ZDHHC22: variants seen among roughly 807,000 people sequenced by gnomAD.
The protein encoded by ZDHHC22 is palmitoyltransferase ZDHHC22.
A neutral mutation model predicts 17.0 loss-of-function variants in ZDHHC22; 13 were observed. The observed-to-expected ratio is 0.76, with a 90% confidence interval of 0.50 to 1.21. The LOEUF (loss-of-function observed/expected upper bound fraction) is 1.21. ZDHHC22 is among the 50% of genes most tolerant of loss of function. ZDHHC22 has a pLI of 0.00. For missense variants in ZDHHC22, 319 were observed against 342.3 expected (o/e 0.93, Z 0.54); for synonymous variants, 138 against 154.7 (o/e 0.89, Z 0.80).
In ZDHHC22 at chr14:77,131,297, A is replaced by G. The variant is rs1220095936; in HGVS notation, c.*2386T>C. ...CAATTTAAAACCATATATTTTATTG[A>G]TGTTCTTCAAGGACAATACAGGGCC... On this transcript the variant is annotated 3_prime_UTR_variant, in exon 3 of 3. Coordinates refer to ENST00000319374, the MANE Select transcript of ZDHHC22 (RefSeq NM_174976.2). The G allele has an allele frequency of 1.3e-5, 2 of 152,134 alleles. No individual in the cohort carries two copies. Among genetic ancestry groups the G allele is most frequent in the African/African-American group, 4.8e-5 (2 of 41,392 alleles). 9.4% of individuals were successfully genotyped at this position (152,134 alleles called of 1,614,324 possible).
chr14:77,133,634 T>A lies in ZDHHC22; in HGVS notation c.*49A>T, dbSNP rs187121162. The A allele has an allele frequency of 5.2e-4, 812 of 1,574,864 alleles. No individual in the cohort carries two copies. In the African/African-American group the frequency reaches 6.9e-3, roughly 13 times the overall value. ...AGACAAGGCTGCCATGGTTTTATGC[T>A]CAGGAGGAGTCAAGACAGAGACAGA... On this transcript the variant is annotated 3_prime_UTR_variant, in exon 3 of 3. Coordinates refer to ENST00000319374, the MANE Select transcript of ZDHHC22 (RefSeq NM_174976.2).
intron 1 of ZDHHC22, among the ~76,000 whole-genome samples, 163 bp from the exon 2 acceptor site, chr14:77,139,915 G>C (rs894837553): frequency 6.6e-6 from 1 of 152,204 alleles, no homozygotes; most frequent in Non-Finnish European, 1.5e-5. Context: ...CCCGGATCAG[G>C]CAGGCCAGAG....
rs1196417432 is a variant in ZDHHC22, at chr14:77,131,905, A to G, written c.*1778T>C. ...AATGAGTATGGGAGGGAGAAATGTG[A>G]GCAGGTGGAGCCAATACTACATTAG... On this transcript the variant is annotated 3_prime_UTR_variant, in exon 3 of 3. Coordinates refer to ENST00000319374, the MANE Select transcript of ZDHHC22 (RefSeq NM_174976.2). The G allele has an allele frequency of 6.6e-6, 1 of 152,226 alleles. No individual in the cohort carries two copies. The highest frequency in any genetic ancestry group is 1.5e-5 in the Non-Finnish European group (1 of 68,056). The allele number at this position is 152,226 out of a possible 1,614,324, so 9.4% of individuals were successfully genotyped here.
At position 77,139,626 on chromosome 14, in the gene ZDHHC22, G is replaced by T. The variant is rs375572416; in HGVS notation, c.113C>A (p.Pro38His). Residue 38 changes from proline to histidine, a missense_variant, in exon 2 of 3, where the codon CCC (proline) becomes CAC (histidine). Transcript: ENST00000319374. ...GGGCGAGAAGAGCCGGGCGGCCGCG[G>T]GGTCCTCGCGCATGCTGGGCAGGAA... is the stretch of plus-strand genomic sequence containing the variant. ...FLFLPSMRED[P>H]AAARLFSPAL... 10 of 1,579,936 alleles carry T rather than the reference G, an allele frequency of 6.3e-6. No homozygotes were observed. The African/African-American group carries it at 1.2e-4, about 19-fold the overall frequency.
rs1887038250 is a variant in ZDHHC22, at chr14:77,132,109, G to A, written c.*1574C>T. ...ATTGGCTTTGGGACCCAGTCAGGAG[G>A]GGGCACTTGTGTTGTCCCTACTCCC... On this transcript the variant is annotated 3_prime_UTR_variant, in exon 3 of 3. Transcript: ENST00000319374. 6.6e-6 allele frequency: 1 copy of A among 152,202 alleles called. No homozygotes were observed. Among genetic ancestry groups the A allele is most frequent in the Non-Finnish European group, 1.5e-5 (1 of 68,056 alleles). 9.4% of individuals were successfully genotyped at this position (152,202 alleles called of 1,614,324 possible).
At chr14:77,135,651 T>A (rs542131077) in intron 2 of ZDHHC22, among the ~76,000 whole-genome samples, 98 of 152,228 alleles carry the variant, frequency 6.4e-4, no homozygotes, top group African/African-American at 2.2e-3. Context: ...GGATGGAGGA[T>A]CCCAGGTCCA....
At chr14:77,134,430 G>A (rs1482372498) in intron 2 of ZDHHC22, among the ~76,000 whole-genome samples, 7 of 152,212 alleles carry the variant, frequency 4.6e-5, no homozygotes, top group Non-Finnish European at 8.8e-5. Context: ...CTACTGTTCT[G>A]GGAACGCTGG....
At chr14:77,141,904 C>T (rs1167669962), upstream of ZDHHC22, 2 of 152,444 alleles carry the variant, frequency 1.3e-5, no homozygotes, top group African/African-American at 4.8e-5. Flanking sequence ...CTTGCCCCCT[C>T]CTCCCCTCTC....
rs2140054022 is a variant in ZDHHC22 at position 77,139,292 on chromosome 14, G to A, written c.447C>T (p.Ser149=). 2 of 1,598,470 alleles carry A rather than the reference G, an allele frequency of 1.3e-6. No individual in the cohort carries two copies. Among genetic ancestry groups the A allele is most frequent in the East Asian group, 2.3e-5 (1 of 44,206 alleles). ...YSMVAGVAYI[S]AVLSISFAHP... ...GGGCGAAGGAGATGGAAAGGACAGC[G>A]GAGATGTAGGCCACGCCGGCCACCA... The change falls in exon 2 of 3, where the codon TCC becomes TCT. Residue 149 remains serine (S), a synonymous_variant. Transcript: ENST00000319374.
chr14:77,133,803 T>C lies in ZDHHC22; in HGVS notation c.672A>G (p.Ala224=). ...QTRHQVRKGV[A]VRARPWRKNL... ...TCTTGCGCCAGGGCCGGGCCCTCAC[T>C]GCCACCCCCTTCCGCACCTGGTGGC... The change falls in exon 3 of 3, where the codon GCA becomes GCG. Residue 224 remains alanine, a synonymous_variant. Transcript: ENST00000319374. 1 of 1,613,976 alleles carries C rather than the reference T, an allele frequency of 6.2e-7. No homozygotes were observed.
At position 77,132,106 on chromosome 14, in the gene ZDHHC22, G is replaced by C. The variant is rs1282621781; in HGVS notation, c.*1577C>G. On this transcript the variant is annotated 3_prime_UTR_variant, in exon 3 of 3. Coordinates refer to ENST00000319374, the MANE Select transcript of ZDHHC22 (RefSeq NM_174976.2). The stretch of plus-strand genomic sequence containing the variant: ...CATATTGGCTTTGGGACCCAGTCAG[G>C]AGGGGGCACTTGTGTTGTCCCTACT... 1.3e-5 allele frequency: 2 copies of C among 152,270 alleles called. No homozygotes were observed. The highest frequency in any genetic ancestry group is 3.9e-4 in the East Asian group (2 of 5,194). The allele number at this position is 152,270 out of a possible 1,614,324, so 9.4% of individuals were successfully genotyped here. A position where few individuals can be genotyped will look rare whatever the true frequency, so the allele number is the denominator to read the frequency against.
At position 77,141,577 on chromosome 14, in the gene ZDHHC22, G is replaced by T. The variant is rs138276265; in HGVS notation, c.-15+26C>A. The T allele has an allele frequency of 9.0e-3, 1,394 of 154,266 alleles. 22 individuals are homozygous for T. The highest frequency in any genetic ancestry group is 0.032 in the African/African-American group (1,331 of 41,588). The allele number at this position is 154,266 out of a possible 1,614,324, so 9.6% of individuals were successfully genotyped here. On this transcript the variant is annotated intron_variant, in intron 1 of 2. Transcript: ENST00000319374. ...CCGCCGCCGCCGCACTGCCGCCGTC[G>T]CAGAGGGGTGAGGAAATCAACTCAC... is the stretch of plus-strand genomic sequence containing the variant.
intron 2 of ZDHHC22, among the ~76,000 whole-genome samples, chr14:77,136,752 G>A (rs1887144586): frequency 6.6e-6 from 1 of 152,098 alleles, no homozygotes; most frequent in African/African-American, 2.4e-5. Context: ...CCACAGTTGG[G>A]GACAGCTCAA....
chr14:77,137,516 G>A (rs1286737899), intron 2 of ZDHHC22, among the ~76,000 whole-genome samples: 2 of 152,136 alleles, frequency 1.3e-5, no homozygotes, highest in African/African-American at 4.8e-5. Context: ...CCACCTGCCT[G>A]TGCTCACACT....
intron 2 of ZDHHC22, 39 bp from the exon 3 acceptor site, chr14:77,133,987 A>ACACCCAGGC: frequency 6.6e-7 from 1 of 1,518,060 alleles, no homozygotes. Context: ...GAGCCGCTTT[A>ACACCCAGGC]CACCCAGGCC....
rs780740118 is a variant in ZDHHC22, at chr14:77,133,690, T to C, written c.785A>G (p.Asp262Gly). Reference protein sequence around the residue: ...NVGSESSKQQDK With the variant: ...NVGSESSKQQGK ...AAATGACGGGAGTGTCTACTACTTA[T>C]CCTGCTGCTTGGAGCTCTCACTTCC... The change falls in exon 3 of 3, where the codon GAT (aspartate) becomes GGT (glycine). Residue 262 changes from aspartate to glycine, a missense_variant. By Grantham distance (94) the Asp-to-Gly change is moderately conservative. Transcript: ENST00000319374. 9 of 1,613,202 alleles carry C rather than the reference T, an allele frequency of 5.6e-6. No individual in the cohort carries two copies. Among genetic ancestry groups the C allele is most frequent in the South Asian group, 2.2e-5 (2 of 90,960 alleles).
Position 77,139,326 on chromosome 14 carries a change from A to T in ZDHHC22, c.413T>A (p.Leu138His). 1 of 1,600,868 alleles carries T rather than the reference A, an allele frequency of 6.2e-7. No individual in the cohort carries two copies. Among genetic ancestry groups the T allele is most frequent in the Non-Finnish European group, 8.5e-7 (1 of 1,174,020 alleles). ...GGCCACGCCGGCCACCATGGAGTAG[A>T]GGCAGGCCAGGGAGGTGTAGAGGCA... is the stretch of plus-strand genomic sequence containing the variant. ...LFCLYTSLAC[L>H]YSMVAGVAYI... Residue 138 changes from leucine (L) to histidine (H), a missense_variant, in exon 2 of 3, where the codon CTC becomes CAC. Coordinates refer to ENST00000319374, the MANE Select transcript of ZDHHC22 (RefSeq NM_174976.2).
intron 2 of ZDHHC22, among the ~76,000 whole-genome samples, chr14:77,134,807 A>C (rs1188602417): frequency 6.6e-6 from 1 of 152,192 alleles, no homozygotes; most frequent in Non-Finnish European, 1.5e-5. Flanking sequence ...GGACTGGCAC[A>C]AGTGTCCCAA....
chr14:77,136,859 C>T (rs529078892), intron 2 of ZDHHC22, among the ~76,000 whole-genome samples: 76 of 152,310 alleles, frequency 5.0e-4, no homozygotes, highest in African/African-American at 1.7e-3. Flanking sequence ...CAGCCTCAAA[C>T]TCTTGGGCTC....
Sources: gnomAD v4.1 joint callset for allele counts (sites outside exome capture counted in the v4.1 genomes callset) on GRCh38, gnomAD v4.1.1 for gene constraint, MANE v1.5 for transcripts, NCBI Gene and HGNC (gene_info 2026-07-23, HGNC 2026-07-21) for gene names.